Variants in COP1 observed in about 807,000 individuals in gnomAD.
COP1 encodes the protein COP1 E3 ubiquitin ligase, also known as E3 ubiquitin-protein ligase COP1.
A neutral mutation model predicts 101.3 loss-of-function variants in COP1; 24 were observed. That is an observed-to-expected ratio of 0.24 (90% CI 0.17 to 0.33). The LOEUF is 0.33. Among genes scored for constraint, COP1 ranks in the 10% least tolerant of loss-of-function variants. The pLI is 1.00. For missense variants in COP1, 663 were observed against 906.2 expected (o/e 0.73, Z 3.45); for synonymous variants, 347 against 341.9 (o/e 1.01, Z -0.17).
chr1:175,994,795 G>C (rs888288590), intron 15 of COP1, among the ~76,000 whole-genome samples: 1 of 152,090 alleles, frequency 6.6e-6, no homozygotes, highest in Non-Finnish European at 1.5e-5. Context: ...CAATAATAAT[G>C]GGAGACTTTA....
chr1:176,203,536 A>G (rs765330537), intron 1 of COP1, among the ~76,000 whole-genome samples: 3 of 152,224 alleles, frequency 2.0e-5, no homozygotes, highest in Non-Finnish European at 4.4e-5. Context: ...CATCTTTCAA[A>G]TACAGACCAG....
intron 9 of COP1, among the ~76,000 whole-genome samples, chr1:176,090,238 T>G (rs574301977): frequency 9.2e-5 from 14 of 152,278 alleles, no homozygotes; most frequent in African/African-American, 2.6e-4. Flanking sequence ...GTCCTGCCTT[T>G]CCAGATCGAA....
intron 3 of COP1, among the ~76,000 whole-genome samples, chr1:176,164,729 T>C (rs968976476): frequency 6.6e-6 from 1 of 152,222 alleles, no homozygotes; most frequent in African/African-American, 2.4e-5. Context: ...TAACTAGTTC[T>C]AGAAATTCTT....
At chr1:175,990,348 A>G (rs1658096894) in intron 15 of COP1, among the ~76,000 whole-genome samples, 1 of 152,014 alleles carries the variant, frequency 6.6e-6, no homozygotes, top group Non-Finnish European at 1.5e-5. Flanking sequence ...TTGACAGAAA[A>G]CTGTTTTGTA....
chr1:176,049,247 G>A (rs1384787391), intron 11 of COP1, among the ~76,000 whole-genome samples: 1 of 149,668 alleles, frequency 6.7e-6, no homozygotes, highest in Non-Finnish European at 1.5e-5. Flanking sequence ...TTCTTCTGCT[G>A]GTATCCTGTT....
intron 11 of COP1, among the ~76,000 whole-genome samples, chr1:176,062,056 G>C (rs569395469): frequency 2.0e-5 from 3 of 152,294 alleles, no homozygotes; most frequent in African/African-American, 7.2e-5. Flanking sequence ...CTGGAGTGCA[G>C]TGGTGCAATC....
chr1:176,186,719 A>T (rs1018871742), intron 1 of COP1, among the ~76,000 whole-genome samples: 1 of 152,204 alleles, frequency 6.6e-6, no homozygotes, highest in African/African-American at 2.4e-5. Flanking sequence ...GACTAAAGGG[A>T]AGCCAAGTGT....
chr1:175,976,942 G>C (rs1415357491), intron 18 of COP1, among the ~76,000 whole-genome samples: 1 of 152,004 alleles, frequency 6.6e-6, no homozygotes, highest in East Asian at 1.9e-4. Context: ...ACAAACATTT[G>C]GAATGTTGTG....
At chr1:175,986,841 C>G (rs1329432476) in intron 18 of COP1, 102 bp downstream of exon 18, 1 of 917,890 alleles carries the variant, frequency 1.1e-6, no homozygotes, top group Non-Finnish European at 1.6e-6. Flanking sequence ...TTAAAAAGTA[C>G]ATACCACATA....
At chr1:176,023,665 C>T (rs772843648) in intron 15 of COP1, among the ~76,000 whole-genome samples, 27 of 145,150 alleles carry the variant, frequency 1.9e-4, no homozygotes, top group Non-Finnish European at 3.0e-4. Flanking sequence ...TTGCAGTGAG[C>T]TGAGATCGTG....
intron 5 of COP1, among the ~76,000 whole-genome samples, chr1:176,152,931 G>A (rs936998630): frequency 5.3e-5 from 8 of 152,068 alleles, no homozygotes; most frequent in African/African-American, 1.7e-4. Context: ...TAAATCTACT[G>A]TCAACAGAAA....
chr1:176,008,685 G>A (rs4585933), intron 15 of COP1, among the ~76,000 whole-genome samples: 2,715 of 152,168 alleles, frequency 0.018, 75 homozygotes, highest in African/African-American at 0.062. Flanking sequence ...TGTGGCAACT[G>A]TGGACTCGGT....
intron 5 of COP1, among the ~76,000 whole-genome samples, chr1:176,158,697 T>C (rs1261966311): frequency 2.2e-5 from 3 of 134,230 alleles, no homozygotes; most frequent in Non-Finnish European, 4.6e-5. Flanking sequence ...TGGAGTGCAG[T>C]GGCACAATCT....
At position 176,207,175 on chromosome 1, in the gene COP1, C is replaced by CT; in HGVS notation, c.-198dup. 1 of 434,174 alleles carries CT rather than the reference C, an allele frequency of 2.3e-6. No homozygotes were observed. Among genetic ancestry groups the CT allele is most frequent in the Non-Finnish European group, 4.0e-6 (1 of 253,018 alleles). The allele number at this position is 434,174 out of a possible 1,614,324, so 26.9% of individuals were successfully genotyped here. A position where few individuals can be genotyped will look rare whatever the true frequency, so the allele number is the denominator to read the frequency against. On this transcript the variant is annotated 5_prime_UTR_variant, in exon 1 of 20. Transcript: ENST00000367669. Reference sequence around the variant, plus strand: ...GTCCCACGGGAGGGGGCGGAGGAAACTAAAAAAGCGGAGTAGAAGGCACTA... The same window carrying CT: ...GTCCCACGGGAGGGGGCGGAGGAAACTTAAAAAAGCGGAGTAGAAGGCACTA...
chr1:176,058,184 G>T (rs1348630515), intron 11 of COP1, among the ~76,000 whole-genome samples: 2 of 45,142 alleles, frequency 4.4e-5, no homozygotes, highest in Non-Finnish European at 1.3e-4. Context: ...CCGGTAGGGA[G>T]GGGGGGGGTC....
chr1:176,118,358 TA>T (rs749215477), intron 8 of COP1, among the ~76,000 whole-genome samples: 2 of 152,142 alleles, frequency 1.3e-5, no homozygotes, highest in Non-Finnish European at 2.9e-5. Context: ...CTTTTTTTTT[TA>T]AGGCATAGTT....
intron 5 of COP1, among the ~76,000 whole-genome samples, chr1:176,151,816 T>C (rs1692639953): frequency 6.6e-6 from 1 of 152,222 alleles, no homozygotes; most frequent in Non-Finnish European, 1.5e-5. Context: ...ATAACTAATG[T>C]AACTGATTTT....
At position 176,096,480 on chromosome 1, in the gene COP1, A is replaced by G. The variant is rs549697468; in HGVS notation, c.1027-10590T>C. ...CACAGGGCGGGAATGAGCCACAGCCACTGTCCAGGCCCCAAGGCGGCCTCA... is the reference window on the plus strand; with the variant it reads ...CACAGGGCGGGAATGAGCCACAGCCGCTGTCCAGGCCCCAAGGCGGCCTCA... On this transcript the variant is annotated intron_variant, in intron 9 of 19. Transcript: ENST00000367669. 1.8e-3 allele frequency among the ~76,000 whole-genome samples: 279 copies of G among 152,290 alleles called. 11 individuals are homozygous for G. The South Asian group carries it at 0.055, about 30-fold the overall frequency.
chr1:176,169,417 CA>C (rs1180652687), intron 3 of COP1, among the ~76,000 whole-genome samples: 3 of 151,652 alleles, frequency 2.0e-5, no homozygotes, highest in African/African-American at 7.3e-5. Flanking sequence ...AAATTAAGTT[CA>C]AAAAAAACTT....
Sources: gnomAD v4.1 joint callset for allele counts (sites outside exome capture counted in the v4.1 genomes callset) on GRCh38, gnomAD v4.1.1 for gene constraint, MANE v1.5 for transcripts, NCBI Gene and HGNC (gene_info 2026-07-23, HGNC 2026-07-21) for gene names.